The following RASGRF2 variants were observed in gnomAD, a reference collection of about 807,000 sequenced individuals.
RASGRF2 encodes Ras protein specific guanine nucleotide releasing factor 2, also known as ras-specific guanine nucleotide-releasing factor 2.
RASGRF2 carries 76 observed loss-of-function variants against 151.0 expected under a neutral mutation model. The observed-to-expected ratio is 0.50, with a 90% CI of 0.42 to 0.61. The LOEUF is 0.61. Among genes scored for constraint, RASGRF2 ranks in the 20% least tolerant of loss-of-function variants. The pLI is 0.00. For synonymous variants in RASGRF2, 504 were observed against 566.5 expected, an observed-to-expected ratio of 0.89 and a Z score of 1.57; for missense variants, 1,148 against 1,564.6, an observed-to-expected ratio of 0.73 and a Z score of 4.49.
chr5:81,161,763 G>A (rs1754388900), intron 17 of RASGRF2, among the ~76,000 whole-genome samples: 1 of 152,134 alleles, frequency 6.6e-6, no homozygotes, highest in African/African-American at 2.4e-5. Context: ...ACTTTAGTGT[G>A]CAAATGATTT....
At chr5:81,125,525 C>CT (rs946260088) in intron 16 of RASGRF2, among the ~76,000 whole-genome samples, 5 of 152,194 alleles carry the variant, frequency 3.3e-5, no homozygotes, top group African/African-American at 1.2e-4. Context: ...CTTCTTAGAG[C>CT]TTTGGTCAGT....
intron 2 of RASGRF2, among the ~76,000 whole-genome samples, chr5:81,061,128 A>T (rs1751419034): frequency 6.6e-6 from 1 of 152,116 alleles, no homozygotes; most frequent in South Asian, 2.1e-4. Flanking sequence ...CATATTTTAA[A>T]TGGCTTGTTA....
chr5:81,092,447 T>C (rs1752417722), intron 9 of RASGRF2, among the ~76,000 whole-genome samples: 1 of 152,230 alleles, frequency 6.6e-6, no homozygotes, highest in South Asian at 2.1e-4. Context: ...TTATGCAATA[T>C]GTATGTTATT....
At chr5:81,109,944 C>T (rs1752950734) in intron 13 of RASGRF2, among the ~76,000 whole-genome samples, 2 of 152,118 alleles carry the variant, frequency 1.3e-5, no homozygotes, top group African/African-American at 4.8e-5. Context: ...TAGATTTATT[C>T]CCAAGGCAGA....
intron 17 of RASGRF2, among the ~76,000 whole-genome samples, chr5:81,166,047 G>T (rs1337901317): frequency 6.6e-6 from 1 of 152,112 alleles, no homozygotes. Flanking sequence ...CCATTCAGGG[G>T]CCTTATGTAA....
chr5:80,978,607 T>C (rs1444954558), intron 1 of RASGRF2, among the ~76,000 whole-genome samples: 1 of 152,142 alleles, frequency 6.6e-6, no homozygotes, highest in Non-Finnish European at 1.5e-5. Flanking sequence ...GCCAACATAG[T>C]GAAACCCTGT....
chr5:81,011,715 TGG>T (rs1233277873), intron 1 of RASGRF2, among the ~76,000 whole-genome samples: 1 of 150,054 alleles, frequency 6.7e-6, no homozygotes, highest in Non-Finnish European at 1.5e-5. Context: ...CACTCCAGCC[TGG>T]GCAACAAGAG....
intron 1 of RASGRF2, among the ~76,000 whole-genome samples, chr5:80,976,878 C>T (rs1013027208): frequency 7.9e-5 from 12 of 152,198 alleles, no homozygotes; most frequent in African/African-American, 2.9e-4. Flanking sequence ...TCAATCTCCC[C>T]AGGCCCAGAG....
intron 25 of RASGRF2, among the ~76,000 whole-genome samples, chr5:81,219,242 C>A (rs143660798): frequency 5.3e-5 from 8 of 152,152 alleles, no homozygotes; most frequent in Non-Finnish European, 1.2e-4. Flanking sequence ...CCACACCTGG[C>A]TAATTTTTGT....
chr5:81,142,843 C>T (rs373548532), intron 17 of RASGRF2, among the ~76,000 whole-genome samples: 2 of 152,080 alleles, frequency 1.3e-5, no homozygotes, highest in East Asian at 1.9e-4. Context: ...TAAGCATGGG[C>T]GGTGTGTGAC....
At position 81,155,987 on chromosome 5, in the gene RASGRF2, C is replaced by A. The variant is rs144442558; in HGVS notation, c.2687-24188C>A. ...AGGCCTAAGTGTGGGTTCAAGCCTG[C>A]AGCAGAGAGCATGCAGCTATGTCCA... On this transcript the variant is annotated intron_variant, in intron 17 of 26. Transcript: ENST00000265080. Among the ~76,000 whole-genome samples, 35 of 152,290 alleles carry A rather than the reference C, an allele frequency of 2.3e-4. No individual in the cohort carries two copies. The East Asian group carries it at 6.6e-3, about 29-fold the overall frequency.
intron 1 of RASGRF2, among the ~76,000 whole-genome samples, chr5:80,970,395 G>A (rs1379909512): frequency 2.0e-5 from 3 of 152,166 alleles, no homozygotes; most frequent in Non-Finnish European, 2.9e-5. Context: ...ACCTCTGAGT[G>A]TTGAGGGGAA....
chr5:80,986,220 G>A (rs1279856608), intron 1 of RASGRF2, among the ~76,000 whole-genome samples: 1 of 152,118 alleles, frequency 6.6e-6, no homozygotes, highest in Non-Finnish European at 1.5e-5. Context: ...AAATGTCACT[G>A]GCAATATGCA....
At chr5:80,976,576 T>C (rs1748122547) in intron 1 of RASGRF2, among the ~76,000 whole-genome samples, 1 of 152,166 alleles carries the variant, frequency 6.6e-6, no homozygotes. Flanking sequence ...CCTGAGAACT[T>C]AGACATGATA....
At chr5:81,056,438 T>G (rs1751214564) in intron 2 of RASGRF2, among the ~76,000 whole-genome samples, 1 of 152,352 alleles carries the variant, frequency 6.6e-6, no homozygotes, top group Admixed American at 6.5e-5. Context: ...TTGAGCGGTT[T>G]TGAGTGAGTT....
Position 81,067,877 on chromosome 5 carries a change from A to G in RASGRF2, c.396-155A>G, listed in dbSNP as rs576629840. Among the ~76,000 whole-genome samples the G allele has an allele frequency of 2.6e-5, 4 of 152,368 alleles. No individual in the cohort carries two copies. In the East Asian group the frequency reaches 7.7e-4, roughly 29 times the overall value. On this transcript the variant is annotated intron_variant, in intron 2 of 26. Transcript: ENST00000265080. The stretch of plus-strand genomic sequence containing the variant: ...AAATTCTTCATCGTCGAAGGATACC[A>G]AATGTAAGCTGAAAGTTAACATTTA...
At chr5:81,064,863 A>T (rs1254288974) in intron 2 of RASGRF2, among the ~76,000 whole-genome samples, 1 of 152,220 alleles carries the variant, frequency 6.6e-6, no homozygotes, top group Non-Finnish European at 1.5e-5. Flanking sequence ...GTTATATGGC[A>T]AAGGAAAAGA....
intron 2 of RASGRF2, among the ~76,000 whole-genome samples, chr5:81,063,649 C>T (rs1751508698): frequency 6.6e-6 from 1 of 152,082 alleles, no homozygotes; most frequent in African/African-American, 2.4e-5. Context: ...CTAGGTTACT[C>T]AGTTTTCCTT....
intron 17 of RASGRF2, among the ~76,000 whole-genome samples, chr5:81,153,408 T>G (rs995300366): frequency 6.6e-6 from 1 of 152,120 alleles, no homozygotes; most frequent in Non-Finnish European, 1.5e-5. Flanking sequence ...TGAGAAAGAC[T>G]GGAGTGGCCA....
Sources: allele counts gnomAD v4.1 joint callset (sites outside exome capture counted in the v4.1 genomes callset), GRCh38; gene constraint gnomAD v4.1.1; transcripts MANE v1.5; gene names NCBI Gene and HGNC (gene_info 2026-07-23, HGNC 2026-07-21).